RSPH1: variants seen among roughly 807,000 people sequenced by gnomAD.
RSPH1 encodes radial spoke head component 1.
RSPH1 carries 32 observed loss-of-function variants against 44.2 expected under a neutral mutation model. That is an observed-to-expected ratio of 0.72 (90% CI 0.55 to 0.97). The LOEUF is 0.97. RSPH1 is among the 50% of genes least tolerant of loss of function. The pLI, the probability that RSPH1 is intolerant of heterozygous loss-of-function variation, is 0.00. For synonymous variants in RSPH1, 134 were observed against 147.3 expected, an observed-to-expected ratio of 0.91 and a Z score of 0.65; for missense variants, 391 against 398.7, an observed-to-expected ratio of 0.98 and a Z score of 0.16.
At position 42,477,435 on chromosome 21, in the gene RSPH1, C is replaced by T. The variant is rs765233783; in HGVS notation, c.583G>A (p.Glu195Lys). Residue 195 changes from glutamate to lysine, a missense_variant, in exon 7 of 9, where the codon GAA becomes AAA. Glu to Lys is a moderately conservative substitution (Grantham distance 56). Coordinates refer to ENST00000291536, the MANE Select transcript of RSPH1 (RefSeq NM_080860.4). The stretch of plus-strand genomic sequence containing the variant: ...ACTAATTCTTCCTCCTCTTCCTCTT[C>T]TCCTCTTTCCTATTTTAAGTGCAAA... ...EYRLTDMERG[E>K]EEEEEELVTV... is the part of the protein sequence containing the mutation. 2 of 1,613,960 alleles carry T rather than the reference C, an allele frequency of 1.2e-6. No individual in the cohort carries two copies. Among genetic ancestry groups the T allele is most frequent in the Admixed American group, 1.7e-5 (1 of 60,036 alleles).
intron 3 of RSPH1, among the ~76,000 whole-genome samples, chr21:42,487,112 C>T (rs1373388498): frequency 5.3e-5 from 8 of 152,324 alleles, no homozygotes; most frequent in Non-Finnish European, 7.3e-5. Context: ...ACCTCCTCAC[C>T]TCCATACGGC....
At chr21:42,476,667 C>T (rs1336058779) in intron 7 of RSPH1, among the ~76,000 whole-genome samples, 5 of 152,240 alleles carry the variant, frequency 3.3e-5, no homozygotes, top group Admixed American at 2.0e-4. Flanking sequence ...CCCGGGGTCA[C>T]ACCCACATTC....
At chr21:42,477,687 G>A (rs904001224) in intron 6 of RSPH1, among the ~76,000 whole-genome samples, 10 of 152,178 alleles carry the variant, frequency 6.6e-5, no homozygotes, top group Admixed American at 1.3e-4. Context: ...CTGGGCCAGC[G>A]AGCTTTATAA....
chr21:42,479,157 A>G (rs2054100519), intron 6 of RSPH1, among the ~76,000 whole-genome samples: 1 of 152,200 alleles, frequency 6.6e-6, no homozygotes, highest in East Asian at 1.9e-4. Flanking sequence ...AAAAAGAAAC[A>G]GGGAGTGAGC....
chr21:42,478,163 C>T (rs2054089546), intron 6 of RSPH1, among the ~76,000 whole-genome samples: 1 of 152,256 alleles, frequency 6.6e-6, no homozygotes, highest in Non-Finnish European at 1.5e-5. Context: ...TATTTGCCTA[C>T]TTCTCAGTTT....
chr21:42,492,047 TA>T (rs2054241221), intron 3 of RSPH1, among the ~76,000 whole-genome samples: 1 of 152,214 alleles, frequency 6.6e-6, no homozygotes, highest in Non-Finnish European at 1.5e-5. Flanking sequence ...TGAAGAAAAC[TA>T]GACAATTTCT....
intron 5 of RSPH1, among the ~76,000 whole-genome samples, chr21:42,484,421 T>C (rs1294298616): frequency 6.6e-6 from 1 of 152,128 alleles, no homozygotes; most frequent in Non-Finnish European, 1.5e-5. Context: ...CAAATATGTA[T>C]CTTTATGTAT....
At chr21:42,482,808 G>A (rs998012585) in intron 5 of RSPH1, 100 bp from the exon 6 acceptor site, 3 of 803,248 alleles carry the variant, frequency 3.7e-6, no homozygotes, top group Non-Finnish European at 6.2e-6. Context: ...CACCAAATTG[G>A]GTAAAGTGTA....
intron 7 of RSPH1, 87 bp from the exon 8 acceptor site, chr21:42,476,134 C>T (rs773672609): frequency 6.9e-5 from 95 of 1,376,686 alleles, no homozygotes; most frequent in Admixed American, 1.6e-4. Context: ...CCTGGGCTGC[C>T]GTGCCCCCAC....
rs377442588 is a variant in RSPH1 at position 42,490,935 on chromosome 21, G to C, written c.274+1823C>G. On this transcript the variant is annotated intron_variant, in intron 3 of 8. Transcript: ENST00000291536. ...CTTGAGCAAGATTTGTTGAGCTTCT[G>C]GGGTGATAAACATATCATGTGCCAG... Among the ~76,000 whole-genome samples the C allele has an allele frequency of 2.6e-5, 4 of 152,274 alleles. No homozygotes were observed. In the South Asian group the frequency reaches 8.3e-4, roughly 32 times the overall value.
At position 42,477,462 on chromosome 21, in the gene RSPH1, A is replaced by G. The variant is rs200788622; in HGVS notation, c.574-18T>C. ...CCTCTTTCCTATTTTAAGTGCAAAA[A>G]TGTACATTTACCAACATTTGTGTCA... is the stretch of plus-strand genomic sequence containing the variant. On this transcript the variant is annotated intron_variant, in intron 6 of 8. Coordinates refer to ENST00000291536, the MANE Select transcript of RSPH1 (RefSeq NM_080860.4). The G allele has an allele frequency of 2.7e-4, 432 of 1,612,266 alleles. 1 individual carries two copies. Among genetic ancestry groups the G allele is most frequent in the Non-Finnish European group, 3.5e-4 (407 of 1,178,472 alleles).
chr21:42,482,508 T>C, intron 6 of RSPH1, 129 bp downstream of exon 6: 2 of 632,568 alleles, frequency 3.2e-6, no homozygotes, highest in East Asian at 2.8e-5. Flanking sequence ...ATAAGGAAAA[T>C]GAAAATGTGA....
At position 42,477,418 on chromosome 21, in the gene RSPH1, TTCC is replaced by T; in HGVS notation, c.597_599del (p.Glu201del). 3.7e-6 allele frequency: 6 copies of T among 1,614,080 alleles called. No individual in the cohort carries two copies. The highest frequency in any genetic ancestry group is 5.1e-6 in the Non-Finnish European group (6 of 1,179,930). On this transcript the variant is annotated inframe_deletion, in exon 7 of 9. Transcript: ENST00000291536. ...ATTTTGGAACAACAGTTACTAATTC[TTCC>T]TCCTCTTCCTCTTCTCCTCTTTCCT...
chr21:42,485,618 G>A (rs2054171444), intron 5 of RSPH1, 51 bp downstream of exon 5: 1 of 1,609,056 alleles, frequency 6.2e-7, no homozygotes, highest in African/African-American at 1.3e-5. Flanking sequence ...CAGGCTGCCA[G>A]AGGGGGTTAT....
chr21:42,479,668 C>T lies in RSPH1; in HGVS notation c.574-2224G>A, dbSNP rs545461785. 2.0e-5 allele frequency among the ~76,000 whole-genome samples: 3 copies of T among 152,146 alleles called. No individual in the cohort carries two copies. In the South Asian group the frequency reaches 6.2e-4, roughly 32 times the overall value. ...CAAAATACTAAATACCTCCCTGTCACAATCAAATCCTAAAGCCGACTGTCT... is the reference window on the plus strand; with the variant it reads ...CAAAATACTAAATACCTCCCTGTCATAATCAAATCCTAAAGCCGACTGTCT... On this transcript the variant is annotated intron_variant, in intron 6 of 8. Transcript: ENST00000291536.
intron 3 of RSPH1, among the ~76,000 whole-genome samples, chr21:42,490,644 A>C (rs2054226869): frequency 6.6e-6 from 1 of 152,224 alleles, no homozygotes; most frequent in African/African-American, 2.4e-5. Context: ...GTGTGGCATA[A>C]TAAGAAATAT....
At position 42,494,393 on chromosome 21, in the gene RSPH1, C is replaced by G. The variant is rs1443566109; in HGVS notation, c.55-1314G>C. On this transcript the variant is annotated intron_variant, in intron 1 of 8. Transcript: ENST00000291536. ...CCCTTTTCTAGCACTGTTTGGACCACTAATTCCTGCCTAGAATATAAGGTA... is the reference window on the plus strand; with the variant it reads ...CCCTTTTCTAGCACTGTTTGGACCAGTAATTCCTGCCTAGAATATAAGGTA... Among the ~76,000 whole-genome samples the G allele has an allele frequency of 3.3e-5, 5 of 152,192 alleles. No individual in the cohort carries two copies. The East Asian group carries it at 9.6e-4, about 29-fold the overall frequency.
chr21:42,486,253 A>G lies in RSPH1; in HGVS notation c.365+118T>C, dbSNP rs2054179537. ...CATAGAAAGATTGGACCTGCCTGGC[A>G]GAGTTGGTAACTGGGCTTTTGTTAT... is the stretch of plus-strand genomic sequence containing the variant. On this transcript the variant is annotated intron_variant, in intron 4 of 8. Transcript: ENST00000291536. The G allele has an allele frequency of 3.8e-6, 3 of 797,408 alleles. No homozygotes were observed. In the East Asian group the frequency reaches 7.4e-5, roughly 20 times the overall value. The allele number at this position is 797,408 out of a possible 1,614,324, so 49.4% of individuals were successfully genotyped here.
chr21:42,475,646 C>T (rs768078416), intron 8 of RSPH1, among the ~76,000 whole-genome samples: 7 of 145,070 alleles, frequency 4.8e-5, no homozygotes, highest in Non-Finnish European at 9.0e-5. Context: ...TGGGGTCGGT[C>T]CTCCTGTGAC....
Sources: allele counts gnomAD v4.1 joint callset (sites outside exome capture counted in the v4.1 genomes callset), GRCh38; gene constraint gnomAD v4.1.1; transcripts MANE v1.5; gene names NCBI Gene and HGNC (gene_info 2026-07-23, HGNC 2026-07-21).